FAM120B: variants seen among roughly 807,000 people sequenced by gnomAD.
FAM120B encodes constitutive coactivator of peroxisome proliferator-activated receptor gamma.
In FAM120B, 83 loss-of-function variants were observed where a neutral mutation model predicts 96.3. The ratio of observed to expected loss-of-function variants is 0.86; its 90% CI spans 0.72 to 1.03. FAM120B has a LOEUF of 1.03. FAM120B is among the 50% of genes least tolerant of loss of function. The pLI, the probability that FAM120B is intolerant of heterozygous loss-of-function variation, is 0.00. For missense variants in FAM120B, 1,027 were observed against 1,121.2 expected, an observed-to-expected ratio of 0.92 and a Z score of 1.20; for synonymous variants, 407 against 402.7, an observed-to-expected ratio of 1.01 and a Z score of -0.13.
chr6:170,358,793 C>A (rs913516499), intron 6 of FAM120B, among the ~76,000 whole-genome samples: 1 of 152,124 alleles, frequency 6.6e-6, no homozygotes, highest in Non-Finnish European at 1.5e-5. Context: ...AGATCCGCAG[C>A]CTCTATTGTT....
intron 5 of FAM120B, among the ~76,000 whole-genome samples, chr6:170,350,134 T>C (rs939046586): frequency 3.3e-5 from 5 of 152,156 alleles, no homozygotes; most frequent in Non-Finnish European, 5.9e-5. Context: ...ATACTCCGGC[T>C]CTGGGATCCC....
At chr6:170,396,348 C>T (rs555739436) in intron 9 of FAM120B, among the ~76,000 whole-genome samples, 1 of 152,210 alleles carries the variant, frequency 6.6e-6, no homozygotes, top group East Asian at 1.9e-4. Context: ...GCTGCGGGGC[C>T]GCACATCTGT....
At chr6:170,347,132 AGAAAG>A (rs1341260512) in intron 4 of FAM120B, among the ~76,000 whole-genome samples, 4 of 152,204 alleles carry the variant, frequency 2.6e-5, no homozygotes, top group African/African-American at 9.7e-5. Flanking sequence ...ACATAAGAAA[AGAAAG>A]AGAAGAATTT....
chr6:170,319,656 AAAAAAT>A (rs1209359864), intron 2 of FAM120B, among the ~76,000 whole-genome samples: 3 of 152,212 alleles, frequency 2.0e-5, no homozygotes, highest in East Asian at 3.9e-4. Context: ...AAACTGTCTC[AAAAAAT>A]AAAAATAAAT....
At chr6:170,368,715 A>G (rs1240270580) in intron 6 of FAM120B, among the ~76,000 whole-genome samples, 1 of 149,096 alleles carries the variant, frequency 6.7e-6, no homozygotes, top group Non-Finnish European at 1.5e-5. Context: ...CCATAACAAA[A>G]CACCACGGAC....
Position 170,404,841 on chromosome 6 carries a change from G to A in FAM120B, c.*90G>A. 1 of 513,768 alleles carries A rather than the reference G, an allele frequency of 1.9e-6. No homozygotes were observed. The allele number at this position is 513,768 out of a possible 1,614,324, so 31.8% of individuals were successfully genotyped here. ...CCTCCTCTGCTGTTGCAGCTGCAAGGAGACCATGCCTGTGGGAGCCAGGCC... is the reference window on the plus strand; with the variant it reads ...CCTCCTCTGCTGTTGCAGCTGCAAGAAGACCATGCCTGTGGGAGCCAGGCC... On this transcript the variant is annotated 3_prime_UTR_variant, in exon 11 of 11. Coordinates refer to ENST00000476287, the MANE Select transcript of FAM120B (RefSeq NM_032448.3).
chr6:170,325,429 T>C (rs1047695566), intron 3 of FAM120B, among the ~76,000 whole-genome samples: 1 of 152,164 alleles, frequency 6.6e-6, no homozygotes, highest in Non-Finnish European at 1.5e-5. Flanking sequence ...TGCCTTTTGT[T>C]CTTTTTTCCC....
rs1304870543 is a variant in FAM120B at position 170,318,748 on chromosome 6, C to G, written c.1358C>G (p.Thr453Arg). Residue 453 changes from threonine (T) to arginine (R), a missense_variant, in exon 2 of 11, where the codon ACA (threonine) becomes AGA (arginine). By Grantham distance (71) the Thr-to-Arg change is moderately conservative. This residue lies in a region of FAM120B where 880 missense variants were observed against 980.9 expected (regional missense o/e 0.90). Transcript: ENST00000476287. ...CCCAGGCAAGAAGTTCCCATGTATA[C>G]AGGCTCTGAACCCAGGCAAGAAGTT... is the stretch of plus-strand genomic sequence containing the variant. ...SEPRQEVPMY[T>R]GSEPRQEVPM... 1 of 1,610,254 alleles carries G rather than the reference C, an allele frequency of 6.2e-7. No individual in the cohort carries two copies. Among genetic ancestry groups the G allele is most frequent in the Non-Finnish European group, 8.5e-7 (1 of 1,179,182 alleles).
chr6:170,330,066 T>G (rs1785909440), intron 3 of FAM120B, among the ~76,000 whole-genome samples: 1 of 152,214 alleles, frequency 6.6e-6, no homozygotes, highest in Admixed American at 6.5e-5. Context: ...TGGTCTTGCT[T>G]TAAAAAACTG....
intron 6 of FAM120B, among the ~76,000 whole-genome samples, chr6:170,372,770 C>T (rs1284998689): frequency 6.6e-6 from 1 of 152,160 alleles, no homozygotes; most frequent in Non-Finnish European, 1.5e-5. Flanking sequence ...CACTGGCGCT[C>T]GCTTACGTTC....
chr6:170,358,360 C>A, intron 6 of FAM120B, 42 bp downstream of exon 6: 2 of 1,343,122 alleles, frequency 1.5e-6, no homozygotes, highest in Non-Finnish European at 2.1e-6. Context: ...CGGAAGACAG[C>A]TGTGCAGTCC....
At position 170,317,993 on chromosome 6, in the gene FAM120B, G is replaced by A. The variant is rs1182703477; in HGVS notation, c.603G>A (p.Leu201=). ...TTAGCGAGCTCTGCCTAGAGAGCCT[G>A]GACACCGTCATGCTCTGCAGAGAGA... ...FSISELCLES[L]DTVMLCREKL... The change falls in exon 2 of 11, where the codon CTG becomes CTA. Residue 201 remains leucine, a synonymous_variant. Coordinates refer to ENST00000476287, the MANE Select transcript of FAM120B (RefSeq NM_032448.3). 1 of 1,613,660 alleles carries A rather than the reference G, an allele frequency of 6.2e-7. No individual in the cohort carries two copies. Among genetic ancestry groups the A allele is most frequent in the Non-Finnish European group, 8.5e-7 (1 of 1,179,776 alleles).
At chr6:170,386,198 C>T (rs976723496) in intron 6 of FAM120B, among the ~76,000 whole-genome samples, 2 of 152,230 alleles carry the variant, frequency 1.3e-5, no homozygotes, top group Middle Eastern at 3.4e-3. Context: ...AGGCACTGAT[C>T]TGTAGAGAAG....
At chr6:170,331,335 C>G in intron 4 of FAM120B, among the ~76,000 whole-genome samples, 1 of 152,202 alleles carries the variant, frequency 6.6e-6, no homozygotes, top group East Asian at 1.9e-4. Flanking sequence ...ATTAAATTCT[C>G]TGGTTTCGCT....
At chr6:170,397,560 C>A (rs1778241916) in intron 9 of FAM120B, among the ~76,000 whole-genome samples, 2 of 152,062 alleles carry the variant, frequency 1.3e-5, no homozygotes, top group Admixed American at 1.3e-4. Flanking sequence ...GGTGGTGAGA[C>A]CTCATTGACC....
intron 5 of FAM120B, among the ~76,000 whole-genome samples, chr6:170,354,383 A>G (rs1787765344): frequency 6.6e-6 from 1 of 152,232 alleles, no homozygotes; most frequent in South Asian, 2.1e-4. Context: ...TGATGAAAAC[A>G]CCAAAAGCAA....
At chr6:170,369,848 C>A (rs190447757) in intron 6 of FAM120B, among the ~76,000 whole-genome samples, 3 of 152,208 alleles carry the variant, frequency 2.0e-5, no homozygotes, top group Admixed American at 2.0e-4. Flanking sequence ...TTCCATGGAA[C>A]CTTTGCACCT....
At chr6:170,393,638 T>G (rs896384191) in intron 8 of FAM120B, among the ~76,000 whole-genome samples, 2 of 152,222 alleles carry the variant, frequency 1.3e-5, no homozygotes, top group Non-Finnish European at 1.5e-5. Context: ...CAAAGTAATT[T>G]TCTTCACAAA....
At chr6:170,379,608 G>A (rs552782059) in intron 6 of FAM120B, among the ~76,000 whole-genome samples, 8 of 152,254 alleles carry the variant, frequency 5.3e-5, no homozygotes, top group African/African-American at 1.9e-4. Context: ...TTTTTAGAAT[G>A]GGGTGTTCAA....
Sources: allele counts gnomAD v4.1 joint callset (sites outside exome capture counted in the v4.1 genomes callset), GRCh38; gene constraint gnomAD v4.1.1; regional missense constraint gnomAD v4.1.1; transcripts MANE v1.5; gene names NCBI Gene and HGNC (gene_info 2026-07-23, HGNC 2026-07-21).